Variants in CRIM1 observed in about 807,000 individuals in gnomAD.
The protein encoded by CRIM1 is cysteine rich transmembrane BMP regulator 1.
A neutral mutation model predicts 116.4 loss-of-function variants in CRIM1; 32 were observed. That is an observed-to-expected ratio of 0.27 (90% confidence interval 0.21 to 0.37). The LOEUF (loss-of-function observed/expected upper bound fraction) is 0.37, where lower values mean the gene tolerates loss of function less well. CRIM1 is among the 10% of genes least tolerant of loss of function. The pLI, the probability that CRIM1 is intolerant of heterozygous loss-of-function variation, is 1.00. For missense variants in CRIM1, 1,331 were observed against 1,354.8 expected, an observed-to-expected ratio of 0.98 and a Z score of 0.28; for synonymous variants, 590 against 509.2, an observed-to-expected ratio of 1.16 and a Z score of -2.13.
chr2:36,431,969 T>C (rs1485466787), intron 2 of CRIM1, among the ~76,000 whole-genome samples: 1 of 152,240 alleles, frequency 6.6e-6, no homozygotes, highest in Non-Finnish European at 1.5e-5. Context: ...TTTTATTTGT[T>C]GTTCTAAAAT....
At chr2:36,541,561 G>C (rs1666944038) in intron 14 of CRIM1, among the ~76,000 whole-genome samples, 1 of 152,154 alleles carries the variant, frequency 6.6e-6, no homozygotes, top group African/African-American at 2.4e-5. Context: ...ACCTCAGCTT[G>C]TAAGCACCAA....
rs142435463 is a variant in CRIM1 at position 36,468,716 on chromosome 2, A to G, written c.991+4061A>G. On this transcript the variant is annotated intron_variant, in intron 5 of 16. Transcript: ENST00000280527. ...CAGCTGGAGCTGGACAATGGCCTCT[A>G]CTGTTAGATGGGTGGATGCTCTCCA... is the stretch of plus-strand genomic sequence containing the variant. Among the ~76,000 whole-genome samples, 21 of 152,214 alleles carry G rather than the reference A, an allele frequency of 1.4e-4. No homozygotes were observed. In the East Asian group the frequency reaches 2.1e-3, roughly 15 times the overall value.
chr2:36,390,996 G>T (rs1671536609), intron 1 of CRIM1, among the ~76,000 whole-genome samples: 1 of 151,820 alleles, frequency 6.6e-6, no homozygotes, highest in Admixed American at 6.6e-5. Flanking sequence ...TTTTTGTAGA[G>T]ACAGGGTTTC....
At chr2:36,533,691 G>A (rs1666275483) in intron 13 of CRIM1, among the ~76,000 whole-genome samples, 1 of 152,082 alleles carries the variant, frequency 6.6e-6, no homozygotes, top group South Asian at 2.1e-4. Flanking sequence ...TATTCTTTTA[G>A]ACAGTGATCT....
At chr2:36,457,949 T>A (rs1032423489) in intron 4 of CRIM1, among the ~76,000 whole-genome samples, 7 of 152,208 alleles carry the variant, frequency 4.6e-5, no homozygotes, top group African/African-American at 1.7e-4. Flanking sequence ...CACAAGGGCT[T>A]TGCCCTTTTT....
At chr2:36,509,599 C>T (rs747806087) in intron 8 of CRIM1, among the ~76,000 whole-genome samples, 8 of 152,126 alleles carry the variant, frequency 5.3e-5, no homozygotes, top group Non-Finnish European at 8.8e-5. Flanking sequence ...GAAAATTGGA[C>T]TGTAAATTTC....
intron 1 of CRIM1, among the ~76,000 whole-genome samples, chr2:36,395,429 A>G (rs569249958): frequency 4.6e-5 from 7 of 152,378 alleles, no homozygotes; most frequent in East Asian, 1.9e-4. Context: ...TTACTATGTA[A>G]CAGTCAGTTC....
In CRIM1 at chr2:36,459,662, A is replaced by G. The variant is rs539418635; in HGVS notation, c.870-4872A>G. ...GACCAGAGAAGGTCTTACAGGGTAG[A>G]TGGTCTTAAGGTTGTGGGGAATTCA... is the stretch of plus-strand genomic sequence containing the variant. On this transcript the variant is annotated intron_variant, in intron 4 of 16. Transcript: ENST00000280527. 4.3e-4 allele frequency among the ~76,000 whole-genome samples: 65 copies of G among 152,216 alleles called. 1 individual carries two copies. The South Asian group carries it at 0.013, about 32-fold the overall frequency.
chr2:36,427,882 C>G (rs1022728256), intron 2 of CRIM1, among the ~76,000 whole-genome samples: 1 of 152,192 alleles, frequency 6.6e-6, no homozygotes, highest in South Asian at 2.1e-4. Flanking sequence ...GGCGAGGCTC[C>G]GCCTGTGTGG....
At position 36,437,421 on chromosome 2, in the gene CRIM1, G is replaced by T. The variant is rs181296454; in HGVS notation, c.506-3837G>T. Among the ~76,000 whole-genome samples the T allele has an allele frequency of 3.3e-4, 48 of 143,336 alleles. 1 individual carries two copies. Among genetic ancestry groups the T allele is most frequent in the African/African-American group, 1.3e-3 (47 of 37,448 alleles). 94.0% of individuals were successfully genotyped at this position (143,336 alleles called of 152,430 possible). ...AACTTTGAAACTAAAATTGGATAAG[G>T]CCAACATAAAAAGAGAGAGAACTAA... On this transcript the variant is annotated intron_variant, in intron 2 of 16. Coordinates refer to ENST00000280527, the MANE Select transcript of CRIM1 (RefSeq NM_016441.3).
rs1230374476 is a variant in CRIM1, at chr2:36,512,151, G to A, written c.1659-122G>A. The A allele has an allele frequency of 2.5e-6, 3 of 1,204,244 alleles. No individual in the cohort carries two copies. In the African/African-American group the frequency reaches 4.5e-5, roughly 18 times the overall value. 74.6% of individuals were successfully genotyped at this position (1,204,244 alleles called of 1,614,324 possible). ...TACCCATCACTCCAGGAATCTTTGAGAGCAAAAGTCAAGTCATTCTGTTTA... is the reference window on the plus strand; with the variant it reads ...TACCCATCACTCCAGGAATCTTTGAAAGCAAAAGTCAAGTCATTCTGTTTA... On this transcript the variant is annotated intron_variant, in intron 9 of 16. Transcript: ENST00000280527.
intron 2 of CRIM1, among the ~76,000 whole-genome samples, chr2:36,435,485 C>CT (rs952560601): frequency 5.3e-5 from 8 of 150,884 alleles, no homozygotes; most frequent in East Asian, 3.9e-4. Flanking sequence ...TTTTTATCTT[C>CT]TTTTTTTTTC....
chr2:36,543,562 C>A (rs1286073730), intron 14 of CRIM1, among the ~76,000 whole-genome samples: 3 of 152,040 alleles, frequency 2.0e-5, no homozygotes, highest in Admixed American at 6.6e-5. Context: ...ATGACACAAA[C>A]TTTTATTGTC....
chr2:36,462,255 A>G (rs1677638893), intron 4 of CRIM1, among the ~76,000 whole-genome samples: 1 of 152,320 alleles, frequency 6.6e-6, no homozygotes, highest in East Asian at 1.9e-4. Context: ...TAATGCATAT[A>G]ATGTTTACTC....
At chr2:36,435,494 T>C (rs1675238518) in intron 2 of CRIM1, among the ~76,000 whole-genome samples, 1 of 152,140 alleles carries the variant, frequency 6.6e-6, no homozygotes, top group African/African-American at 2.4e-5. Context: ...TCTTTTTTTT[T>C]CCTCTTACTA....
At chr2:36,429,405 C>A (rs528564305) in intron 2 of CRIM1, among the ~76,000 whole-genome samples, 1 of 152,198 alleles carries the variant, frequency 6.6e-6, no homozygotes, top group Admixed American at 6.5e-5. Flanking sequence ...CCTGTTCCCT[C>A]CATTGTACTC....
chr2:36,422,963 T>C (rs1674181463), intron 2 of CRIM1, among the ~76,000 whole-genome samples: 1 of 152,194 alleles, frequency 6.6e-6, no homozygotes, highest in Non-Finnish European at 1.5e-5. Flanking sequence ...CTAAGCCTGC[T>C]TTACTTTCTT....
intron 8 of CRIM1, among the ~76,000 whole-genome samples, chr2:36,507,779 T>C (rs1440515705): frequency 6.6e-6 from 1 of 152,240 alleles, no homozygotes; most frequent in Non-Finnish European, 1.5e-5. Flanking sequence ...AACAGTTTTC[T>C]TTAAAGGTGA....
intron 1 of CRIM1, among the ~76,000 whole-genome samples, chr2:36,392,694 T>C (rs772886589): frequency 4.6e-5 from 7 of 152,238 alleles, no homozygotes; most frequent in Non-Finnish European, 8.8e-5. Flanking sequence ...GTTCTGTAAT[T>C]GAATACCAGA....
Sources: gnomAD v4.1 joint callset for allele counts (sites outside exome capture counted in the v4.1 genomes callset) on GRCh38, gnomAD v4.1.1 for gene constraint, MANE v1.5 for transcripts, NCBI Gene and HGNC (gene_info 2026-07-23, HGNC 2026-07-21) for gene names.